Variants in DSCC1 observed in about 807,000 individuals in gnomAD.
DSCC1 encodes DNA replication and sister chromatid cohesion 1.
DSCC1 carries 32 observed loss-of-function variants against 48.2 expected under a neutral mutation model. The ratio of observed to expected loss-of-function variants is 0.66; its 90% CI spans 0.50 to 0.89. DSCC1 has a LOEUF of 0.89. DSCC1 is among the 40% of genes least tolerant of loss of function. The pLI, the probability that DSCC1 is intolerant of heterozygous loss-of-function variation, is 0.00. For missense variants in DSCC1, 421 were observed against 471.7 expected (o/e 0.89, Z 1.00); for synonymous variants, 150 against 171.5 (o/e 0.87, Z 0.98).
chr8:119,835,461 C>G (rs1241877220), intron 8 of DSCC1, among the ~76,000 whole-genome samples: 1 of 151,706 alleles, frequency 6.6e-6, no homozygotes, highest in East Asian at 1.9e-4. Flanking sequence ...GAGCGGAGAT[C>G]GCGCCACTGC....
intron 8 of DSCC1, 138 bp from the exon 9 acceptor site, chr8:119,835,139 T>C (rs561631810): frequency 3.3e-6 from 2 of 599,892 alleles, no homozygotes; most frequent in East Asian, 3.1e-5. Context: ...GTGGGAGAGA[T>C]AGGGTGGGGA....
Position 119,834,827 on chromosome 8 carries a change from T to C in DSCC1, c.*66A>G. Reference sequence around the variant, plus strand: ...TAAAAGTCAGAAATAAAAGTACAAGTTATTTTTCTTCTATCCAGCAACTTT... The same window carrying C: ...TAAAAGTCAGAAATAAAAGTACAAGCTATTTTTCTTCTATCCAGCAACTTT... On this transcript the variant is annotated 3_prime_UTR_variant, in exon 9 of 9. Transcript: ENST00000313655. The C allele has an allele frequency of 9.3e-7, 1 of 1,077,348 alleles. No homozygotes were observed. Among genetic ancestry groups the C allele is most frequent in the South Asian group, 1.3e-5 (1 of 74,534 alleles). 66.7% of individuals were successfully genotyped at this position (1,077,348 alleles called of 1,614,324 possible).
At chr8:119,843,290 G>A (rs181698607) in intron 5 of DSCC1, among the ~76,000 whole-genome samples, 62 of 151,800 alleles carry the variant, frequency 4.1e-4, no homozygotes, top group Admixed American at 3.5e-3. Context: ...GGGTTTCACC[G>A]TGTTGGCCAG....
At chr8:119,839,568 T>C (rs1826737243) in intron 7 of DSCC1, 1 of 152,300 alleles carries the variant, frequency 6.6e-6, no homozygotes, top group South Asian at 2.1e-4. Context: ...ACCTTCCGTC[T>C]GTCCATCTTG....
chr8:119,851,087 G>A (rs949206065), intron 2 of DSCC1, among the ~76,000 whole-genome samples: 6 of 152,186 alleles, frequency 3.9e-5, no homozygotes, highest in Non-Finnish European at 7.3e-5. Context: ...TCAAAATCCA[G>A]TTGATAAGAG....
chr8:119,844,377 T>C (rs956204891), intron 4 of DSCC1, among the ~76,000 whole-genome samples: 1 of 149,888 alleles, frequency 6.7e-6, no homozygotes, highest in Non-Finnish European at 1.5e-5. Flanking sequence ...AGGCCGAGGT[T>C]GTAGTGAGCC....
intron 3 of DSCC1, among the ~76,000 whole-genome samples, chr8:119,849,721 T>G (rs539255381): frequency 6.6e-6 from 1 of 152,284 alleles, no homozygotes; most frequent in African/African-American, 2.4e-5. Flanking sequence ...AATTATTCAA[T>G]TGCATACTTT....
chr8:119,836,786 A>C (rs1204278538), intron 8 of DSCC1, among the ~76,000 whole-genome samples: 5 of 152,092 alleles, frequency 3.3e-5, no homozygotes, highest in Non-Finnish European at 5.9e-5. Context: ...CCAAAGGAAA[A>C]GTATAAACAG....
intron 8 of DSCC1, among the ~76,000 whole-genome samples, chr8:119,835,923 G>C (rs752768292): frequency 1.3e-5 from 2 of 152,240 alleles, no homozygotes; most frequent in Admixed American, 6.5e-5. Flanking sequence ...AACCTTGAAG[G>C]ACAGGGAAAA....
Position 119,834,432 on chromosome 8 carries a change from G to A in DSCC1, c.*461C>T, listed in dbSNP as rs1826637819. The A allele has an allele frequency of 6.2e-6, 1 of 161,706 alleles. No homozygotes were observed. The highest frequency in any genetic ancestry group is 1.3e-5 in the Non-Finnish European group (1 of 75,346). The allele number at this position is 161,706 out of a possible 1,614,324, so 10.0% of individuals were successfully genotyped here. On this transcript the variant is annotated 3_prime_UTR_variant, in exon 9 of 9. Coordinates refer to ENST00000313655, the MANE Select transcript of DSCC1 (RefSeq NM_024094.3). ...GGATATAAATAATTGATAGCACCTA[G>A]AGGCTTCCAGTTTGGGTGGAAGGCT...
At chr8:119,851,002 T>C (rs1354837309) in intron 2 of DSCC1, among the ~76,000 whole-genome samples, 3 of 152,236 alleles carry the variant, frequency 2.0e-5, no homozygotes, top group African/African-American at 7.2e-5. Context: ...TTCTGTTTAA[T>C]ACAAGATCTT....
intron 7 of DSCC1, chr8:119,840,532 T>C (rs750020404): frequency 2.0e-5 from 3 of 152,280 alleles, no homozygotes; most frequent in Non-Finnish European, 4.4e-5. Flanking sequence ...TAGCCAGAGA[T>C]GAAGCTATGA....
At chr8:119,853,717 C>A (rs1826974530) in intron 1 of DSCC1, among the ~76,000 whole-genome samples, 1 of 152,224 alleles carries the variant, frequency 6.6e-6, no homozygotes. Context: ...CAAGCTGCTG[C>A]TCATGGTACC....
At chr8:119,854,159 CAG>C (rs1826983269) in intron 1 of DSCC1, among the ~76,000 whole-genome samples, 1 of 152,088 alleles carries the variant, frequency 6.6e-6, no homozygotes, top group African/African-American at 2.4e-5. Context: ...CACCATCATG[CAG>C]AGAGCCGTGA....
At chr8:119,842,453 T>C (rs553362651) in intron 6 of DSCC1, among the ~76,000 whole-genome samples, 1 of 150,542 alleles carries the variant, frequency 6.6e-6, no homozygotes, top group South Asian at 2.1e-4. Context: ...ACAATGAAGG[T>C]TCATTGCCGC....
chr8:119,855,533 T>C, intron 1 of DSCC1, 81 bp downstream of exon 1: 2 of 1,480,640 alleles, frequency 1.4e-6, no homozygotes, highest in Non-Finnish European at 1.8e-6. Flanking sequence ...TCTCTGGCCC[T>C]GTTTTCTTAT....
At chr8:119,837,537 C>T (rs1166549864) in intron 8 of DSCC1, among the ~76,000 whole-genome samples, 1 of 152,218 alleles carries the variant, frequency 6.6e-6, no homozygotes, top group East Asian at 1.9e-4. Flanking sequence ...ATGAGCAAAT[C>T]ATGCCTGGTG....
At position 119,843,641 on chromosome 8, in the gene DSCC1, T is replaced by C. The variant is rs1563944612; in HGVS notation, c.684A>G (p.Thr228=). 2 of 1,613,690 alleles carry C rather than the reference T, an allele frequency of 1.2e-6. No homozygotes were observed. The highest frequency in any genetic ancestry group is 1.7e-6 in the Non-Finnish European group (2 of 1,179,950). Residue 228 remains threonine, a synonymous_variant, in exon 5 of 9, where the codon ACA becomes ACG. Transcript: ENST00000313655. The part of the protein sequence containing the change: ...SWSFGKVPLN[T]CLQELGPLEP... ...CCAATGGTCCGAGTTCCTGAAGGCATGTGTTCAAAGGAACTTTACCAAAAG... is the reference window on the plus strand; with the variant it reads ...CCAATGGTCCGAGTTCCTGAAGGCACGTGTTCAAAGGAACTTTACCAAAAG...
At position 119,855,789 on chromosome 8, in the gene DSCC1, T is replaced by G; in HGVS notation, c.7A>C (p.Arg3=). The G allele has an allele frequency of 6.5e-7, 1 of 1,531,756 alleles. No homozygotes were observed. Among genetic ancestry groups the G allele is most frequent in the East Asian group, 2.5e-5 (1 of 40,088 alleles). 94.9% of individuals were successfully genotyped at this position (1,531,756 alleles called of 1,614,324 possible). The stretch of plus-strand genomic sequence containing the variant: ...GTCGCATCCACCTCGTCGCGGGTCC[T>G]CTTCATCGCAGCGCCGGGTCTAGGA... MK[R]TRDEVDATLQ... The change falls in exon 1 of 9, where the codon AGG becomes CGG. Residue 3 remains arginine (R), a synonymous_variant. Coordinates refer to ENST00000313655, the MANE Select transcript of DSCC1 (RefSeq NM_024094.3).
Sources: gnomAD v4.1 joint callset for allele counts (sites outside exome capture counted in the v4.1 genomes callset) on GRCh38, gnomAD v4.1.1 for gene constraint, MANE v1.5 for transcripts, NCBI Gene and HGNC (gene_info 2026-07-23, HGNC 2026-07-21) for gene names.